USP13: variants seen among roughly 807,000 people sequenced by gnomAD.
USP13 encodes the protein ubiquitin carboxyl-terminal hydrolase 13.
Under a neutral mutation model 107.8 loss-of-function variants are expected in USP13, and 68 were observed. That is an observed-to-expected ratio of 0.63 (90% CI 0.52 to 0.77). USP13 has a LOEUF of 0.77. USP13 is among the 30% of genes least tolerant of loss of function. USP13 has a pLI of 0.00. For synonymous variants in USP13, 377 were observed against 389.5 expected, an observed-to-expected ratio of 0.97 and a Z score of 0.38; for missense variants, 945 against 1,093.3, an observed-to-expected ratio of 0.86 and a Z score of 1.91.
intron 19 of USP13, 70 bp downstream of exon 19, chr3:179,765,918 C>G: frequency 6.6e-7 from 1 of 1,508,204 alleles, no homozygotes; most frequent in Non-Finnish European, 9.0e-7. Flanking sequence ...TTCCCTCCCA[C>G]CACAACATAG....
At chr3:179,762,061 T>C (rs1367655966) in intron 17 of USP13, among the ~76,000 whole-genome samples, 20 of 152,204 alleles carry the variant, frequency 1.3e-4, no homozygotes. Flanking sequence ...AAAAGAAATC[T>C]CATACATAAT....
chr3:179,754,251 G>A (rs1052416444), intron 14 of USP13, among the ~76,000 whole-genome samples: 7 of 152,218 alleles, frequency 4.6e-5, no homozygotes, highest in African/African-American at 1.7e-4. Flanking sequence ...ACAAGGAGCA[G>A]TGGGGTCTGT....
intron 13 of USP13, among the ~76,000 whole-genome samples, chr3:179,747,164 G>A (rs1470328058): frequency 1.3e-5 from 2 of 152,142 alleles, no homozygotes; most frequent in African/African-American, 4.8e-5. Context: ...GCATGTGCCT[G>A]TTTGTGTCCT....
At position 179,751,915 on chromosome 3, in the gene USP13, G is replaced by T. The variant is rs188372419; in HGVS notation, c.1710-370G>T. Among the ~76,000 whole-genome samples the T allele has an allele frequency of 4.8e-3, 734 of 152,144 alleles. 8 individuals are homozygous for T. Among genetic ancestry groups the T allele is most frequent in the African/African-American group, 0.017 (692 of 41,498 alleles). ...GTATTTTTGTGCCTGGCTAATTTTT[G>T]TATTTTTAGTAGAGACGGGGTTTCA... is the stretch of plus-strand genomic sequence containing the variant. On this transcript the variant is annotated intron_variant, in intron 13 of 20. Coordinates refer to ENST00000263966, the MANE Select transcript of USP13 (RefSeq NM_003940.3).
At position 179,726,503 on chromosome 3, in the gene USP13, T is replaced by A. The variant is rs921689835; in HGVS notation, c.1089-3686T>A. Among the ~76,000 whole-genome samples the A allele has an allele frequency of 5.3e-5, 8 of 152,338 alleles. No individual in the cohort carries two copies. In the East Asian group the frequency reaches 1.5e-3, roughly 29 times the overall value. ...AAGTGAAAGGAGTGATTGTGCATTA[T>A]GATTGGAGATCAGTGTTAAAGCTGG... On this transcript the variant is annotated intron_variant, in intron 8 of 20. Coordinates refer to ENST00000263966, the MANE Select transcript of USP13 (RefSeq NM_003940.3).
At chr3:179,683,674 C>T (rs558193331) in intron 2 of USP13, among the ~76,000 whole-genome samples, 1 of 152,284 alleles carries the variant, frequency 6.6e-6, no homozygotes, top group African/African-American at 2.4e-5. Flanking sequence ...CACCTCCCAC[C>T]GGATTCCTCC....
chr3:179,703,164 G>T (rs1259045691), intron 4 of USP13, among the ~76,000 whole-genome samples: 1 of 152,082 alleles, frequency 6.6e-6, no homozygotes, highest in Non-Finnish European at 1.5e-5. Context: ...AAAGAAGAGA[G>T]AATTATTTGG....
chr3:179,739,896 C>T (rs1180810774), intron 10 of USP13, among the ~76,000 whole-genome samples: 1 of 152,166 alleles, frequency 6.6e-6, no homozygotes, highest in Non-Finnish European at 1.5e-5. Flanking sequence ...TCCTCCCAAG[C>T]TTGCTTTGAA....
At chr3:179,705,619 T>C (rs974344595) in intron 4 of USP13, among the ~76,000 whole-genome samples, 3 of 152,396 alleles carry the variant, frequency 2.0e-5, no homozygotes, top group African/African-American at 7.2e-5. Flanking sequence ...TTCTTTTTTA[T>C]TGGCAAATAA....
chr3:179,708,654 C>A, intron 5 of USP13, 119 bp from the exon 6 acceptor site: 1 of 1,245,680 alleles, frequency 8.0e-7, no homozygotes, highest in Non-Finnish European at 1.1e-6. Context: ...AAGCATCAGT[C>A]TCTGTTATTC....
At chr3:179,720,191 A>C (rs758509155) in intron 7 of USP13, among the ~76,000 whole-genome samples, 157 bp downstream of exon 7, 93 of 152,142 alleles carry the variant, frequency 6.1e-4, no homozygotes, top group Non-Finnish European at 1.1e-3. Flanking sequence ...TCTTGCATTT[A>C]ATTAGTAGAT....
At chr3:179,774,130 C>A (rs767000571) in intron 19 of USP13, among the ~76,000 whole-genome samples, 3 of 152,116 alleles carry the variant, frequency 2.0e-5, no homozygotes, top group Non-Finnish European at 4.4e-5. Context: ...AAGCGTGTCA[C>A]GTGGCAAGAG....
At chr3:179,654,232 AT>A (rs1720184537) in intron 1 of USP13, among the ~76,000 whole-genome samples, 1 of 151,110 alleles carries the variant, frequency 6.6e-6, no homozygotes, top group African/African-American at 2.4e-5. Context: ...AAAAAAAAAA[AT>A]GTCAGACGAA....
At chr3:179,672,434 G>C (rs1401241354) in intron 1 of USP13, among the ~76,000 whole-genome samples, 1 of 150,670 alleles carries the variant, frequency 6.6e-6, no homozygotes, top group African/African-American at 2.4e-5. Context: ...TGCCAGTCTG[G>C]AGTGCAATGG....
In USP13 at chr3:179,655,565, T is replaced by TG. The variant is rs1254104952; in HGVS notation, c.168+2172_168+2173insG. Among the ~76,000 whole-genome samples, 1,271 of 141,736 alleles carry TG rather than the reference T, an allele frequency of 9.0e-3. 60 individuals are homozygous for TG. The highest frequency in any genetic ancestry group is 0.071 in the East Asian group (354 of 5,020). 93.0% of individuals were successfully genotyped at this position (141,736 alleles called of 152,430 possible). On this transcript the variant is annotated intron_variant, in intron 1 of 20. Coordinates refer to ENST00000263966, the MANE Select transcript of USP13 (RefSeq NM_003940.3). ...ATGGGAAGGTTTTTTTTGTTTTGTT[T>TG]TGTTTTTTTTTTGAGTTTTGCTCTT...
chr3:179,676,172 G>T (rs1251948599), intron 1 of USP13, among the ~76,000 whole-genome samples: 1 of 152,070 alleles, frequency 6.6e-6, no homozygotes, highest in Non-Finnish European at 1.5e-5. Context: ...TTCACCTTCC[G>T]CCATGATTTT....
At chr3:179,688,083 A>ATCCATCCATCCATCTG (rs1711943143) in intron 2 of USP13, among the ~76,000 whole-genome samples, 1 of 112,774 alleles carries the variant, frequency 8.9e-6, no homozygotes, top group Non-Finnish European at 1.9e-5. Flanking sequence ...CAGGATATCC[A>ATCCATCCATCCATCTG]TCCATCCATC....
intron 18 of USP13, among the ~76,000 whole-genome samples, chr3:179,764,935 C>T (rs1715125916): frequency 6.6e-6 from 1 of 152,110 alleles, no homozygotes; most frequent in Admixed American, 6.5e-5. Context: ...CAACCTGTCT[C>T]CCTTTAAGAT....
Position 179,784,250 on chromosome 3 carries a change from G to A in USP13, c.*109G>A, listed in dbSNP as rs886070452. 3.5e-5 allele frequency: 28 copies of A among 804,172 alleles called. No individual in the cohort carries two copies. The highest frequency in any genetic ancestry group is 3.1e-4 in the Admixed American group (11 of 35,986). 49.8% of individuals were successfully genotyped at this position (804,172 alleles called of 1,614,324 possible). On this transcript the variant is annotated 3_prime_UTR_variant, in exon 21 of 21. Transcript: ENST00000263966. The stretch of plus-strand genomic sequence containing the variant: ...AACTAGACATGAAGGAATATATGGG[G>A]TATTTATCGTTTATTTAAAGAGCAC...
Sources: allele counts gnomAD v4.1 joint callset (sites outside exome capture counted in the v4.1 genomes callset), GRCh38; gene constraint gnomAD v4.1.1; transcripts MANE v1.5; gene names NCBI Gene and HGNC (gene_info 2026-07-23, HGNC 2026-07-21).